VWC2L: variants seen among roughly 807,000 people sequenced by gnomAD.
The protein encoded by VWC2L is von Willebrand factor C domain containing 2 like.
In VWC2L, 10 loss-of-function variants were observed where a neutral mutation model predicts 21.6. The observed-to-expected ratio is 0.46, with a 90% confidence interval of 0.29 to 0.78. The LOEUF is 0.78. Among genes scored for constraint, VWC2L ranks in the 30% least tolerant of loss-of-function variants. The pLI, the probability that VWC2L is intolerant of heterozygous loss-of-function variation, is 0.10. For synonymous variants in VWC2L, 96 were observed against 94.3 expected, an observed-to-expected ratio of 1.02 and a Z score of -0.10; for missense variants, 209 against 277.1, an observed-to-expected ratio of 0.75 and a Z score of 1.74.
intron 2 of VWC2L, among the ~76,000 whole-genome samples, chr2:214,423,903 C>T (rs964545524): frequency 2.6e-5 from 4 of 151,780 alleles, no homozygotes; most frequent in African/African-American, 9.7e-5. Flanking sequence ...AAAATGAGGA[C>T]CCATTTTTTT....
Position 214,411,083 on chromosome 2 carries a change from G to A in VWC2L, c.-784G>A, listed in dbSNP as rs1324772363. 6.6e-6 allele frequency: 1 copy of A among 152,156 alleles called. No homozygotes were observed. Among genetic ancestry groups the A allele is most frequent in the Non-Finnish European group, 1.5e-5 (1 of 68,038 alleles). 9.4% of individuals were successfully genotyped at this position (152,156 alleles called of 1,614,324 possible). ...TCGTCTAAAGCAGCTCTGGGATTTC[G>A]ACAGAGCTGGGCTCAGAAGCCAGTT... On this transcript the variant is annotated 5_prime_UTR_variant, in exon 1 of 4. Coordinates refer to ENST00000312504, the MANE Select transcript of VWC2L (RefSeq NM_001080500.4).
chr2:214,551,943 C>T (rs1689801482), intron 3 of VWC2L, among the ~76,000 whole-genome samples: 1 of 152,244 alleles, frequency 6.6e-6, no homozygotes, highest in African/African-American at 2.4e-5. Context: ...ATCATTTTAA[C>T]TCCTTCATTG....
intron 3 of VWC2L, among the ~76,000 whole-genome samples, chr2:214,457,769 A>T (rs568495246): frequency 1.3e-5 from 2 of 152,266 alleles, no homozygotes; most frequent in South Asian, 2.1e-4. Context: ...TATCACATTT[A>T]TGCATTTGGT....
intron 2 of VWC2L, among the ~76,000 whole-genome samples, chr2:214,424,380 G>C (rs1320571519): frequency 3.3e-5 from 5 of 152,124 alleles, no homozygotes; most frequent in African/African-American, 1.2e-4. Flanking sequence ...AGTTAGGTTT[G>C]TTTGAGAGTT....
intron 3 of VWC2L, among the ~76,000 whole-genome samples, chr2:214,503,745 A>C (rs1000439704): frequency 6.7e-6 from 1 of 149,964 alleles, no homozygotes; most frequent in African/African-American, 2.4e-5. Context: ...AAAAAAAAAC[A>C]GAAATGATAA....
intron 3 of VWC2L, among the ~76,000 whole-genome samples, chr2:214,539,214 A>C (rs1205267383): frequency 6.6e-6 from 1 of 152,142 alleles, no homozygotes; most frequent in African/African-American, 2.4e-5. Flanking sequence ...AGGGGATGTA[A>C]ATCAACTCAG....
chr2:214,546,769 T>TA (rs1689713165), intron 3 of VWC2L, among the ~76,000 whole-genome samples: 1 of 152,114 alleles, frequency 6.6e-6, no homozygotes, highest in African/African-American at 2.4e-5. Flanking sequence ...TTACAAGCCA[T>TA]ACAAGTGACA....
intron 2 of VWC2L, among the ~76,000 whole-genome samples, chr2:214,417,557 G>A (rs1465847543): frequency 3.3e-5 from 5 of 152,074 alleles, no homozygotes; most frequent in African/African-American, 9.7e-5. Context: ...TTCCAAAGAC[G>A]AAACTGCCAG....
intron 3 of VWC2L, among the ~76,000 whole-genome samples, chr2:214,563,398 T>G (rs1021730513): frequency 6.6e-6 from 1 of 151,660 alleles, no homozygotes; most frequent in African/African-American, 2.4e-5. Context: ...ATACAAAAAA[T>G]TAGCCAGGTA....
chr2:214,478,974 C>T (rs1231107882), intron 3 of VWC2L, among the ~76,000 whole-genome samples: 10 of 152,226 alleles, frequency 6.6e-5, no homozygotes. Context: ...GGAACTCATA[C>T]TGCCACACAT....
chr2:214,520,228 C>T (rs1689214003), intron 3 of VWC2L, among the ~76,000 whole-genome samples: 1 of 152,122 alleles, frequency 6.6e-6, no homozygotes, highest in African/African-American at 2.4e-5. Flanking sequence ...CCCATATATA[C>T]TTGCTTCTTT....
intron 3 of VWC2L, among the ~76,000 whole-genome samples, chr2:214,522,877 G>T (rs1222590552): frequency 6.6e-6 from 1 of 151,228 alleles, no homozygotes; most frequent in South Asian, 2.1e-4. Context: ...ACAATACACA[G>T]AACAATACGG....
intron 3 of VWC2L, among the ~76,000 whole-genome samples, chr2:214,506,805 C>T (rs1192643519): frequency 1.3e-5 from 2 of 151,920 alleles, no homozygotes; most frequent in South Asian, 2.1e-4. Flanking sequence ...TAAAGATATG[C>T]TGATGAAATA....
chr2:214,424,751 T>C (rs932059102), intron 2 of VWC2L, among the ~76,000 whole-genome samples: 3 of 152,210 alleles, frequency 2.0e-5, no homozygotes, highest in African/African-American at 7.2e-5. Flanking sequence ...TGATTCAAGA[T>C]AGGCTAATTC....
At chr2:214,459,512 T>G (rs989839999) in intron 3 of VWC2L, among the ~76,000 whole-genome samples, 1 of 152,250 alleles carries the variant, frequency 6.6e-6, no homozygotes, top group African/African-American at 2.4e-5. Context: ...CAGTAACATT[T>G]GAATCCTTTC....
intron 2 of VWC2L, among the ~76,000 whole-genome samples, chr2:214,429,671 G>C (rs143391634): frequency 1.8e-3 from 275 of 151,742 alleles, no homozygotes; most frequent in African/African-American, 6.5e-3. Context: ...GCATTTTATT[G>C]TCATGAGACT....
At chr2:214,475,435 G>A (rs1559301888) in intron 3 of VWC2L, among the ~76,000 whole-genome samples, 3 of 151,950 alleles carry the variant, frequency 2.0e-5, no homozygotes, top group East Asian at 1.9e-4. Context: ...TTTTTGAAAC[G>A]TGTATGTTTC....
At chr2:214,536,539 G>GA (rs1342115189) in intron 3 of VWC2L, among the ~76,000 whole-genome samples, 6 of 151,892 alleles carry the variant, frequency 4.0e-5, no homozygotes, top group South Asian at 2.1e-4. Context: ...GAGTAAAAAT[G>GA]AAAAAAAGCA....
chr2:214,535,811 C>T (rs1001231274), intron 3 of VWC2L, among the ~76,000 whole-genome samples: 1 of 151,910 alleles, frequency 6.6e-6, no homozygotes, highest in Non-Finnish European at 1.5e-5. Context: ...CACACACACA[C>T]ACACACACAC....
Sources: allele counts gnomAD v4.1 joint callset (sites outside exome capture counted in the v4.1 genomes callset), GRCh38; gene constraint gnomAD v4.1.1; transcripts MANE v1.5; gene names NCBI Gene and HGNC (gene_info 2026-07-23, HGNC 2026-07-21).